FARS2: variants seen among roughly 807,000 people sequenced by gnomAD.
FARS2 encodes phenylalanine--tRNA ligase, mitochondrial.
Under a neutral mutation model 46.4 loss-of-function variants are expected in FARS2, and 40 were observed. The observed-to-expected ratio is 0.86, with a 90% confidence interval of 0.67 to 1.12. FARS2 has a LOEUF of 1.12. Among genes scored for constraint, FARS2 ranks in the 50% most tolerant of loss-of-function variants. FARS2 has a pLI of 0.00. For synonymous variants in FARS2, 234 were observed against 214.9 expected (o/e 1.09, Z -0.78); for missense variants, 513 against 567.9 (o/e 0.90, Z 0.98).
rs373201220 is a variant in FARS2, at chr6:5,390,812, T to TC, written c.613-13729dup. Among the ~76,000 whole-genome samples, 598 of 152,288 alleles carry TC rather than the reference T, an allele frequency of 3.9e-3. 2 individuals carry two copies. Among genetic ancestry groups the TC allele is most frequent in the African/African-American group, 0.014 (579 of 41,560 alleles). ...CGTACTCCATGTTGCCTTTGGGAGT[T>TC]CACATGGCCTCTAACCACACAGTGC... is the stretch of plus-strand genomic sequence containing the variant. On this transcript the variant is annotated intron_variant, in intron 2 of 6. Transcript: ENST00000274680.
chr6:5,551,767 T>C (rs553852708), intron 5 of FARS2, among the ~76,000 whole-genome samples: 5 of 152,180 alleles, frequency 3.3e-5, no homozygotes, highest in South Asian at 2.1e-4. Flanking sequence ...CCTTTGCCCG[T>C]CTAGAGACAG....
intron 4 of FARS2, among the ~76,000 whole-genome samples, chr6:5,484,812 T>C (rs1044418183): frequency 6.6e-6 from 1 of 152,232 alleles, no homozygotes; most frequent in African/African-American, 2.4e-5. Flanking sequence ...GACTCTGTTG[T>C]TGCTGAGAGA....
intron 4 of FARS2, among the ~76,000 whole-genome samples, chr6:5,492,888 C>T (rs1374074918): frequency 6.6e-6 from 1 of 152,246 alleles, no homozygotes; most frequent in African/African-American, 2.4e-5. Flanking sequence ...GCCCTGCCAC[C>T]CACCACTTTA....
At chr6:5,527,294 A>G (rs775519621) in intron 4 of FARS2, among the ~76,000 whole-genome samples, 1 of 152,258 alleles carries the variant, frequency 6.6e-6, no homozygotes, top group Non-Finnish European at 1.5e-5. Context: ...GTCCAACGGC[A>G]TATCTCCTAC....
intron 4 of FARS2, among the ~76,000 whole-genome samples, chr6:5,470,289 A>T (rs1006995293): frequency 6.6e-6 from 1 of 152,266 alleles, no homozygotes; most frequent in African/African-American, 2.4e-5. Flanking sequence ...ACATGGTATT[A>T]TGTTTTATAA....
At chr6:5,362,315 A>G (rs190338702) in intron 1 of FARS2, among the ~76,000 whole-genome samples, 1 of 152,356 alleles carries the variant, frequency 6.6e-6, no homozygotes, top group Admixed American at 6.5e-5. Flanking sequence ...AATGCAAGGT[A>G]TATGTTATTT....
intron 1 of FARS2, among the ~76,000 whole-genome samples, chr6:5,304,142 A>G (rs1350283671): frequency 6.6e-6 from 1 of 152,240 alleles, no homozygotes; most frequent in African/African-American, 2.4e-5. Context: ...AAGCTTAGAA[A>G]TAAAGAAGGG....
intron 1 of FARS2, among the ~76,000 whole-genome samples, chr6:5,283,132 G>A (rs903045517): frequency 2.0e-5 from 3 of 152,036 alleles, no homozygotes; most frequent in Non-Finnish European, 4.4e-5. Flanking sequence ...CAGCATTTTG[G>A]GAGGCTGAGA....
intron 6 of FARS2, among the ~76,000 whole-genome samples, chr6:5,690,825 T>A (rs1038276837): frequency 2.0e-5 from 3 of 152,252 alleles, no homozygotes; most frequent in Non-Finnish European, 2.9e-5. Context: ...CCCATCACTT[T>A]CAAGTACACC....
At chr6:5,631,119 A>G (rs1371255160) in intron 6 of FARS2, among the ~76,000 whole-genome samples, 1 of 152,190 alleles carries the variant, frequency 6.6e-6, no homozygotes, top group Non-Finnish European at 1.5e-5. Context: ...CAGCCTCCCC[A>G]AAATAAGAGA....
chr6:5,703,145 A>C (rs905297206), intron 6 of FARS2, among the ~76,000 whole-genome samples: 9 of 152,252 alleles, frequency 5.9e-5, no homozygotes, highest in Admixed American at 5.2e-4. Flanking sequence ...ATAGCTGCCA[A>C]GCCTGTGGAT....
At chr6:5,707,624 G>A (rs1314165434) in intron 6 of FARS2, among the ~76,000 whole-genome samples, 4 of 152,224 alleles carry the variant, frequency 2.6e-5, no homozygotes. Context: ...GTATCCTTGT[G>A]AGTGGAGCAT....
At chr6:5,510,747 G>T (rs34910355) in intron 4 of FARS2, among the ~76,000 whole-genome samples, 23,875 of 152,158 alleles carry the variant, frequency 0.16, 2,539 homozygotes, top group Non-Finnish European at 0.23. Flanking sequence ...CCAGCCTTGT[G>T]TCTGAGCCCC....
intron 2 of FARS2, among the ~76,000 whole-genome samples, chr6:5,391,351 G>T (rs1224287347): frequency 6.6e-6 from 1 of 152,180 alleles, no homozygotes; most frequent in East Asian, 1.9e-4. Flanking sequence ...AATAAGGATT[G>T]TGAAGATTAA....
At chr6:5,669,113 G>A (rs916049352) in intron 6 of FARS2, among the ~76,000 whole-genome samples, 2 of 152,186 alleles carry the variant, frequency 1.3e-5, no homozygotes, top group Non-Finnish European at 2.9e-5. Flanking sequence ...AAGGTACCTA[G>A]TGCAGTCCCT....
intron 1 of FARS2, among the ~76,000 whole-genome samples, chr6:5,365,510 ATTTTTTTT>A (rs144909598): frequency 5.5e-5 from 7 of 127,974 alleles, no homozygotes; most frequent in Admixed American, 2.5e-4. Context: ...ATTAAATAAA[ATTTTTTTT>A]TTTTTTTTTT....
At chr6:5,691,239 C>T (rs1195526843) in intron 6 of FARS2, among the ~76,000 whole-genome samples, 6 of 152,322 alleles carry the variant, frequency 3.9e-5, no homozygotes, top group South Asian at 2.1e-4. Context: ...TGAGGAGCTG[C>T]GTTCCTTTGG....
chr6:5,646,642 G>T (rs1777094454), intron 6 of FARS2, among the ~76,000 whole-genome samples: 1 of 152,164 alleles, frequency 6.6e-6, no homozygotes, highest in Admixed American at 6.5e-5. Context: ...ATCCAGGGAT[G>T]CTCAAGTCCC....
At chr6:5,313,413 G>A (rs969023890) in intron 1 of FARS2, among the ~76,000 whole-genome samples, 4 of 152,162 alleles carry the variant, frequency 2.6e-5, no homozygotes, top group Non-Finnish European at 5.9e-5. Context: ...ACGCAGGGCC[G>A]TTCCTTATCA....
Sources: gnomAD v4.1 joint callset for allele counts (sites outside exome capture counted in the v4.1 genomes callset) on GRCh38, gnomAD v4.1.1 for gene constraint, MANE v1.5 for transcripts, NCBI Gene and HGNC (gene_info 2026-07-23, HGNC 2026-07-21) for gene names.